UGGT2: variants seen among roughly 807,000 people sequenced by gnomAD.
UGGT2 encodes the protein UDP-glucose:glycoprotein glucosyltransferase 2.
Under a neutral mutation model 192.1 loss-of-function variants are expected in UGGT2, and 180 were observed. The ratio of observed to expected loss-of-function variants is 0.94; its 90% CI spans 0.83 to 1.06. The LOEUF is 1.06. Among genes scored for constraint, UGGT2 ranks in the 50% least tolerant of loss-of-function variants. UGGT2 has a pLI of 0.00. For missense variants in UGGT2, 1,849 were observed against 1,795.7 expected (o/e 1.03, Z -0.54); for synonymous variants, 580 against 591.0 (o/e 0.98, Z 0.27).
chr13:95,962,663 A>C (rs764150517), intron 12 of UGGT2, among the ~76,000 whole-genome samples: 1 of 152,214 alleles, frequency 6.6e-6, no homozygotes, highest in Non-Finnish European at 1.5e-5. Flanking sequence ...AAAAAAATGA[A>C]GAGGAGAGAA....
intron 37 of UGGT2, among the ~76,000 whole-genome samples, chr13:95,836,388 A>G (rs1482225842): frequency 1.3e-5 from 2 of 152,172 alleles, no homozygotes; most frequent in African/African-American, 2.4e-5. Context: ...TGCAGAAAAG[A>G]GTTAATACAG....
rs534211492 is a variant in UGGT2 at position 95,959,668 on chromosome 13, C to G, written c.1336-10214G>C. On this transcript the variant is annotated intron_variant, in intron 12 of 38. Coordinates refer to ENST00000376747, the MANE Select transcript of UGGT2 (RefSeq NM_020121.4). ...CAGCCCATCACAGCTACTGCCAACACTGGCATGGACCCTTAGGTCCTAGAG... is the reference window on the plus strand; with the variant it reads ...CAGCCCATCACAGCTACTGCCAACAGTGGCATGGACCCTTAGGTCCTAGAG... Among the ~76,000 whole-genome samples the G allele has an allele frequency of 2.0e-5, 3 of 152,340 alleles. No homozygotes were observed. The South Asian group carries it at 6.2e-4, about 32-fold the overall frequency.
chr13:95,963,159 A>C lies in UGGT2; in HGVS notation c.1335+6953T>G, dbSNP rs185645343. On this transcript the variant is annotated intron_variant, in intron 12 of 38. Transcript: ENST00000376747. ...ACACAGATGCACAAATTCTCAACAA[A>C]ATACTAGTAAGCCAAATCCAAAAGC... is the stretch of plus-strand genomic sequence containing the variant. 3.4e-4 allele frequency among the ~76,000 whole-genome samples: 52 copies of C among 152,284 alleles called. No individual in the cohort carries two copies. In the Middle Eastern group the frequency reaches 0.01, roughly 30 times the overall value.
In UGGT2 at chr13:95,867,345, T is replaced by C; in HGVS notation, c.3552A>G (p.Lys1184=). The C allele has an allele frequency of 1.2e-6, 2 of 1,606,960 alleles. No homozygotes were observed. Among genetic ancestry groups the C allele is most frequent in the Non-Finnish European group, 1.7e-6 (2 of 1,177,398 alleles). The change falls in exon 30 of 39, where the codon AAA becomes AAG. Residue 1184 remains lysine, a synonymous_variant. Coordinates refer to ENST00000376747, the MANE Select transcript of UGGT2 (RefSeq NM_020121.4). ...AAGTTCTGCCCCCACATACTTTTACTTTGAGTATCTTGCTTTTGAAGCTGT... is the reference window on the plus strand; with the variant it reads ...AAGTTCTGCCCCCACATACTTTTACCTTGAGTATCTTGCTTTTGAAGCTGT... ...VLNSFKSKIL[K]VKVKKETDKI...
chr13:95,878,126 T>C (rs1368132980), intron 27 of UGGT2, among the ~76,000 whole-genome samples: 2 of 151,658 alleles, frequency 1.3e-5, no homozygotes, highest in Admixed American at 6.6e-5. Context: ...GACGTGAACA[T>C]GAGATTTAGA....
At chr13:95,900,750 C>A in intron 22 of UGGT2, 57 bp downstream of exon 22, 1 of 1,505,336 alleles carries the variant, frequency 6.6e-7, no homozygotes, top group South Asian at 1.4e-5. Context: ...AGAAAAAAGG[C>A]AGACCAGTGC....
chr13:96,019,437 T>G (rs1023755788), intron 4 of UGGT2, among the ~76,000 whole-genome samples: 1 of 152,120 alleles, frequency 6.6e-6, no homozygotes, highest in East Asian at 1.9e-4. Context: ...AGTAAGTAAG[T>G]TGCCCTTTGT....
In UGGT2 at chr13:96,031,800, A is replaced by G. The variant is rs117037675; in HGVS notation, c.241+89T>C. 8,080 of 977,064 alleles carry G rather than the reference A, an allele frequency of 8.3e-3. 62 individuals carry two copies. The highest frequency in any genetic ancestry group is 0.016 in the Admixed American group (663 of 41,388). 60.5% of individuals were successfully genotyped at this position (977,064 alleles called of 1,614,324 possible). A position where few individuals can be genotyped will look rare whatever the true frequency, so the allele number is the denominator to read the frequency against. On this transcript the variant is annotated intron_variant, in intron 2 of 38. Transcript: ENST00000376747. ...TTTACTAACCCAGTGAAGCATTCAC[A>G]CTTAACCATTACCATTAAAAAATAA...
chr13:96,026,253 T>C (rs916441853), intron 2 of UGGT2, among the ~76,000 whole-genome samples: 3 of 152,130 alleles, frequency 2.0e-5, no homozygotes, highest in African/African-American at 7.2e-5. Flanking sequence ...CAATTAAGTA[T>C]GTGAAGAACT....
intron 2 of UGGT2, among the ~76,000 whole-genome samples, chr13:96,024,193 T>C (rs539809796): frequency 3.9e-5 from 6 of 152,234 alleles, no homozygotes; most frequent in South Asian, 4.1e-4. Context: ...TAGCCAAGTA[T>C]AATTAGTGTA....
chr13:95,949,802 C>A (rs1036200835), intron 12 of UGGT2, among the ~76,000 whole-genome samples: 1 of 152,114 alleles, frequency 6.6e-6, no homozygotes, highest in Non-Finnish European at 1.5e-5. Flanking sequence ...CCCTCTCCAC[C>A]TCCCCTCTCA....
At chr13:96,016,788 G>A (rs958956756) in intron 4 of UGGT2, among the ~76,000 whole-genome samples, 19 of 152,288 alleles carry the variant, frequency 1.2e-4, no homozygotes, top group African/African-American at 4.3e-4. Flanking sequence ...GTGGAGGGGG[G>A]GCTGCAACCC....
chr13:95,845,917 G>C (rs1469983820), intron 36 of UGGT2, among the ~76,000 whole-genome samples: 2 of 150,046 alleles, frequency 1.3e-5, no homozygotes, highest in East Asian at 4.0e-4. Context: ...GAGGGCCGGG[G>C]AGAGGGACTC....
At chr13:95,856,474 C>A (rs995896211) in intron 33 of UGGT2, 134 bp from the exon 34 acceptor site, 22 of 747,478 alleles carry the variant, frequency 2.9e-5, no homozygotes, top group Non-Finnish European at 4.4e-5. Context: ...CTAAATACTA[C>A]TTCTATAACA....
At chr13:96,026,135 G>A (rs2052657232) in intron 2 of UGGT2, among the ~76,000 whole-genome samples, 1 of 151,200 alleles carries the variant, frequency 6.6e-6, no homozygotes, top group African/African-American at 2.4e-5. Context: ...AAAAGACACA[G>A]AATGATCAGC....
At chr13:95,869,990 T>G (rs1201539944) in intron 29 of UGGT2, among the ~76,000 whole-genome samples, 1 of 152,186 alleles carries the variant, frequency 6.6e-6, no homozygotes, top group African/African-American at 2.4e-5. Context: ...GAAATGTAAA[T>G]CAGATTGGCT....
At chr13:96,022,172 A>C (rs985125105) in intron 4 of UGGT2, among the ~76,000 whole-genome samples, 1 of 152,128 alleles carries the variant, frequency 6.6e-6, no homozygotes. Flanking sequence ...AATATAATGA[A>C]TACAATTGAC....
At chr13:96,018,662 A>G (rs2052413311) in intron 4 of UGGT2, among the ~76,000 whole-genome samples, 1 of 152,140 alleles carries the variant, frequency 6.6e-6, no homozygotes, top group African/African-American at 2.4e-5. Flanking sequence ...TGTTAAGAAG[A>G]ATTTTACGAA....
intron 20 of UGGT2, among the ~76,000 whole-genome samples, chr13:95,920,237 A>C (rs568195305): frequency 6.6e-6 from 1 of 152,348 alleles, no homozygotes; most frequent in African/African-American, 2.4e-5. Flanking sequence ...GAAACTATTA[A>C]AACTCTAGAA....
Sources: allele counts gnomAD v4.1 joint callset (sites outside exome capture counted in the v4.1 genomes callset), GRCh38; gene constraint gnomAD v4.1.1; transcripts MANE v1.5; gene names NCBI Gene and HGNC (gene_info 2026-07-23, HGNC 2026-07-21).